CASP9: variants seen among roughly 807,000 people sequenced by gnomAD.
The protein encoded by CASP9 is caspase-9.
Under a neutral mutation model 43.5 loss-of-function variants are expected in CASP9, and 29 were observed. The observed-to-expected ratio is 0.67, with a 90% CI of 0.50 to 0.91. CASP9 has a LOEUF of 0.91. Ranked by LOEUF, CASP9 falls within the 40% of genes least tolerant of loss-of-function variation. The pLI, the probability that CASP9 is intolerant of heterozygous loss-of-function variation, is 0.00. For synonymous variants in CASP9, 206 were observed against 211.9 expected, an observed-to-expected ratio of 0.97 and a Z score of 0.24; for missense variants, 575 against 537.4, an observed-to-expected ratio of 1.07 and a Z score of -0.69.
intron 2 of CASP9, among the ~76,000 whole-genome samples, chr1:15,517,727 T>C (rs988147038): frequency 5.3e-5 from 8 of 151,882 alleles, no homozygotes; most frequent in Non-Finnish European, 8.8e-5. Context: ...ATGGGGCAGA[T>C]ACAACTGAGG....
chr1:15,511,573 T>G (rs1709756946), intron 2 of CASP9, among the ~76,000 whole-genome samples: 1 of 152,094 alleles, frequency 6.6e-6, no homozygotes, highest in African/African-American at 2.4e-5. Flanking sequence ...CCAGCTAATT[T>G]TTGCATTTTT....
rs1708901267 is a variant in CASP9, at chr1:15,491,744, T to A, written c.*1199A>T. The A allele has an allele frequency of 5.7e-6, 1 of 174,380 alleles. No homozygotes were observed. Among genetic ancestry groups the A allele is most frequent in the Non-Finnish European group, 1.2e-5 (1 of 81,480 alleles). The allele number at this position is 174,380 out of a possible 1,614,324, so 10.8% of individuals were successfully genotyped here. On this transcript the variant is annotated 3_prime_UTR_variant, in exon 9 of 9. Transcript: ENST00000333868. ...TTGCACTCCAGCCTGGGCGACAGAG[T>A]GAGACCCTATCTCCAAAAAAAAAGG...
intron 2 of CASP9, among the ~76,000 whole-genome samples, chr1:15,512,992 CT>C (rs1254962935): frequency 2.0e-5 from 3 of 151,940 alleles, no homozygotes; most frequent in South Asian, 4.2e-4. Flanking sequence ...CCTGTCTCTA[CT>C]AAAAAAAATA....
chr1:15,507,765 A>G, intron 3 of CASP9, 108 bp downstream of exon 3: 1 of 1,042,736 alleles, frequency 9.6e-7, no homozygotes, highest in Non-Finnish European at 1.5e-6. Flanking sequence ...TGCACTGCCT[A>G]GGGTTGGGTT....
At chr1:15,498,069 T>TG (rs1333209812) in intron 6 of CASP9, among the ~76,000 whole-genome samples, 2 of 152,064 alleles carry the variant, frequency 1.3e-5, no homozygotes, top group Non-Finnish European at 2.9e-5. Context: ...TGTTTTGTTT[T>TG]GGGGGATTGT....
In CASP9 at chr1:15,494,001, C is replaced by T; in HGVS notation, c.1049G>A (p.Gly350Asp). 2 of 1,582,448 alleles carry T rather than the reference C, an allele frequency of 1.3e-6. No homozygotes were observed. Among genetic ancestry groups the T allele is most frequent in the Non-Finnish European group, 1.7e-6 (2 of 1,164,376 alleles). Residue 350 changes from glycine to aspartate, a missense_variant and splice_region_variant, in exon 8 of 9, where the codon GGT becomes GAT. By Grantham distance (94) the Gly-to-Asp change is moderately conservative. Transcript: ENST00000333868. ...DIFVSYSTFPGFVSWRDPKSG... is the reference protein window; with the variant it reads ...DIFVSYSTFPDFVSWRDPKSG... ...CTTGGGGTCCCTCCAGGAAACAAAA[C>T]CTTTGGAGGGAGGAGGGCTGAACAC...
At chr1:15,516,482 A>T (rs1709954336) in intron 2 of CASP9, among the ~76,000 whole-genome samples, 1 of 5,196 alleles carries the variant, frequency 1.9e-4, no homozygotes, top group African/African-American at 4.6e-4. Context: ...TGCCTCAATT[A>T]AAAAAAAAAA....
At chr1:15,518,799 C>T (rs1228053483) in intron 1 of CASP9, among the ~76,000 whole-genome samples, 2 of 152,144 alleles carry the variant, frequency 1.3e-5, no homozygotes, top group South Asian at 2.1e-4. Context: ...GGGACAAGGC[C>T]TTTGTGTGGC....
chr1:15,524,049 A>T lies in CASP9; in HGVS notation c.132+20T>A, dbSNP rs780448064. The T allele has an allele frequency of 7.1e-7, 1 of 1,399,552 alleles. No individual in the cohort carries two copies. The highest frequency in any genetic ancestry group is 2.5e-5 in the Admixed American group (1 of 39,972). 86.7% of individuals were successfully genotyped at this position (1,399,552 alleles called of 1,614,324 possible). On this transcript the variant is annotated intron_variant, in intron 1 of 8. Transcript: ENST00000333868. ...GGGGACCCGGCCGTGCAGCGCGGGG[A>T]CAGGGGGCCGGGGGCGCACCTGGAT...
intron 2 of CASP9, among the ~76,000 whole-genome samples, chr1:15,515,466 C>T (rs927585988): frequency 6.6e-6 from 1 of 152,214 alleles, no homozygotes; most frequent in African/African-American, 2.4e-5. Context: ...ACAGGAAGTG[C>T]TAGAGCTCCA....
chr1:15,521,515 T>TA (rs1047688168), intron 1 of CASP9, among the ~76,000 whole-genome samples: 24 of 152,326 alleles, frequency 1.6e-4, no homozygotes, highest in Middle Eastern at 3.4e-3. Context: ...GTGAAAGTCT[T>TA]AAAGTCTTTG....
At chr1:15,494,055 C>T in intron 7 of CASP9, 54 bp from the exon 8 acceptor site, 2 of 1,537,066 alleles carry the variant, frequency 1.3e-6, no homozygotes, top group Non-Finnish European at 1.7e-6. Flanking sequence ...CCGCCGGCTC[C>T]CCACCACCCC....
rs1217431519 is a variant in CASP9, at chr1:15,524,176, G to A, written c.25C>T (p.Leu9=). Residue 9 remains leucine (L), a synonymous_variant, in exon 1 of 9, where the codon CTG becomes TTG. Coordinates refer to ENST00000333868, the MANE Select transcript of CASP9 (RefSeq NM_001229.5). ...ACCAGCCGCAGCCGGCACCGCCGCA[G>A]GAGCCGCCGATCCGCTTCGTCCATG... The part of the protein sequence containing the change: MDEADRRL[L]RRCRLRLVEE... 4 of 1,543,820 alleles carry A rather than the reference G, an allele frequency of 2.6e-6. No homozygotes were observed. The African/African-American group carries it at 4.1e-5, about 16-fold the overall frequency.
chr1:15,493,107 G>A, intron 8 of CASP9, 72 bp from the exon 9 acceptor site: 1 of 1,596,374 alleles, frequency 6.3e-7, no homozygotes, highest in Non-Finnish European at 8.5e-7. Context: ...AAGAGGGGCT[G>A]GGGGGAATGT....
At chr1:15,493,186 G>C in intron 8 of CASP9, 151 bp from the exon 9 acceptor site, 1 of 1,445,356 alleles carries the variant, frequency 6.9e-7, no homozygotes, top group South Asian at 1.5e-5. Context: ...TAAAGAATAC[G>C]CACCTCAACT....
At chr1:15,520,423 CATT>C (rs1199747872) in intron 1 of CASP9, among the ~76,000 whole-genome samples, 1 of 152,188 alleles carries the variant, frequency 6.6e-6, no homozygotes, top group Non-Finnish European at 1.5e-5. Context: ...AATTATCAAT[CATT>C]ATTATAAACA....
At chr1:15,506,479 C>T (rs889632986) in intron 4 of CASP9, among the ~76,000 whole-genome samples, 2 of 151,144 alleles carry the variant, frequency 1.3e-5, no homozygotes, top group Admixed American at 1.3e-4. Flanking sequence ...AAAAATAAAA[C>T]AACAAAGGGC....
At position 15,493,037 on chromosome 1, in the gene CASP9, T is replaced by C. The variant is rs1708949466; in HGVS notation, c.1159-2A>G. 6.2e-7 allele frequency: 1 copy of C among 1,613,850 alleles called. No homozygotes were observed. Among genetic ancestry groups the C allele is most frequent in the Admixed American group, 1.7e-5 (1 of 60,000 alleles). ...TTTCACCGAAACAGCATTAGCGACC[T>C]GTAAGACATGACCATGGAGAGCTCT... On this transcript the variant is annotated splice_acceptor_variant, in intron 8 of 8. Transcript: ENST00000333868. LOFTEE classifies it high-confidence loss of function.
intron 1 of CASP9, among the ~76,000 whole-genome samples, chr1:15,523,796 T>C (rs1710311147): frequency 6.6e-6 from 1 of 152,244 alleles, no homozygotes; most frequent in South Asian, 2.1e-4. Context: ...TTCAGTCTGA[T>C]GTTCTCCAAT....
Sources: gnomAD v4.1 joint callset for allele counts (sites outside exome capture counted in the v4.1 genomes callset) on GRCh38, gnomAD v4.1.1 for gene constraint, MANE v1.5 for transcripts, NCBI Gene and HGNC (gene_info 2026-07-23, HGNC 2026-07-21) for gene names.